The following RASEF variants were observed in gnomAD, a reference collection of about 807,000 sequenced individuals.
RASEF encodes the protein ras and EF-hand domain-containing protein.
Under a neutral mutation model 90.1 loss-of-function variants are expected in RASEF, and 68 were observed. That is an observed-to-expected ratio of 0.75 (90% CI 0.62 to 0.92). The LOEUF is 0.92. Ranked by LOEUF, RASEF falls within the 40% of genes least tolerant of loss-of-function variation. The pLI is 0.00. For synonymous variants in RASEF, 331 were observed against 345.2 expected, an observed-to-expected ratio of 0.96 and a Z score of 0.46; for missense variants, 949 against 937.2, an observed-to-expected ratio of 1.01 and a Z score of -0.16.
At chr9:83,056,573 T>A (rs532496287) in intron 1 of RASEF, among the ~76,000 whole-genome samples, 2 of 152,204 alleles carry the variant, frequency 1.3e-5, no homozygotes, top group African/African-American at 4.8e-5. Context: ...CTACTTTCAT[T>A]GTACAAATGA....
chr9:83,173,431 T>C, the RASEF span, among the ~76,000 whole-genome samples: 2 of 151,836 alleles, frequency 1.3e-5, no homozygotes, highest in African/African-American at 4.8e-5. Context: ...TTCTTTTTCA[T>C]TGTTTTTTCT....
At chr9:83,186,459 T>A in the RASEF span, among the ~76,000 whole-genome samples, 1 of 152,130 alleles carries the variant, frequency 6.6e-6, no homozygotes, top group Non-Finnish European at 1.5e-5. Context: ...AATCTGAGCT[T>A]CTTAGTATGA....
intron 1 of RASEF, among the ~76,000 whole-genome samples, chr9:83,027,341 G>C (rs749992633): frequency 5.3e-5 from 8 of 152,150 alleles, no homozygotes; most frequent in Non-Finnish European, 1.0e-4. Context: ...GGTCAGGGAT[G>C]GGGCTGAAAG....
chr9:83,212,249 T>A, the RASEF span, among the ~76,000 whole-genome samples: 1,348 of 152,302 alleles, frequency 8.9e-3, 13 homozygotes, highest in Middle Eastern at 0.024. Flanking sequence ...AAGCCAGAAT[T>A]TCAGCCCAAG....
chr9:83,018,800 T>C (rs1463332265), intron 3 of RASEF, among the ~76,000 whole-genome samples: 2 of 152,112 alleles, frequency 1.3e-5, no homozygotes, highest in African/African-American at 4.8e-5. Context: ...AATGTAATAT[T>C]GGCATAACAA....
chr9:83,145,049 T>A, the RASEF span, among the ~76,000 whole-genome samples: 2 of 152,120 alleles, frequency 1.3e-5, no homozygotes, highest in Non-Finnish European at 2.9e-5. Flanking sequence ...GTTTAAAAAG[T>A]TTTTTAATTA....
the RASEF span, among the ~76,000 whole-genome samples, chr9:83,209,397 G>A: frequency 2.6e-5 from 4 of 152,236 alleles, no homozygotes; most frequent in Non-Finnish European, 1.5e-5. Context: ...TGTATGGGAG[G>A]TAATGGATTC....
At position 83,062,176 on chromosome 9, in the gene RASEF, G is replaced by C. The variant is rs117038649; in HGVS notation, c.431+261C>G. Among the ~76,000 whole-genome samples the C allele has an allele frequency of 1.6e-4, 25 of 152,330 alleles. No individual in the cohort carries two copies. In the East Asian group the frequency reaches 3.3e-3, roughly 20 times the overall value. On this transcript the variant is annotated intron_variant, in intron 1 of 16. Coordinates refer to ENST00000376447, the MANE Select transcript of RASEF (RefSeq NM_152573.4). ...GCGCCAGCAGCTGCAGATTTCAGGA[G>C]AGCTCCTGTAATGAACACGCCGCCC...
the RASEF span, among the ~76,000 whole-genome samples, chr9:83,084,662 A>C: frequency 6.6e-6 from 1 of 151,844 alleles, no homozygotes; most frequent in South Asian, 2.1e-4. Flanking sequence ...CCTTTTTCCC[A>C]CCCGTCTGTA....
chr9:83,078,438 G>A, the RASEF span, among the ~76,000 whole-genome samples: 16 of 152,128 alleles, frequency 1.1e-4, no homozygotes, highest in African/African-American at 1.7e-4. Context: ...AGGCCGAGGC[G>A]GGTGGATCAC....
At chr9:83,158,561 T>C in the RASEF span, among the ~76,000 whole-genome samples, 1 of 148,264 alleles carries the variant, frequency 6.7e-6, no homozygotes, top group African/African-American at 2.5e-5. Context: ...CACACATATA[T>C]ACATATATGT....
intron 14 of RASEF, among the ~76,000 whole-genome samples, chr9:82,996,554 TGAGAA>T (rs1828922010): frequency 6.6e-6 from 1 of 152,140 alleles, no homozygotes; most frequent in Non-Finnish European, 1.5e-5. Context: ...AGAATAAGGT[TGAGAA>T]GAGAAGAGAG....
chr9:83,076,464 A>C, the RASEF span, among the ~76,000 whole-genome samples: 339 of 152,088 alleles, frequency 2.2e-3, 1 homozygote, highest in African/African-American at 8.0e-3. Context: ...CCACAAAATG[A>C]GGTAGAAGAC....
At chr9:83,075,218 T>G in the RASEF span, among the ~76,000 whole-genome samples, 1 of 152,210 alleles carries the variant, frequency 6.6e-6, no homozygotes, top group South Asian at 2.1e-4. Flanking sequence ...CAGTCTGAAT[T>G]GAGTCTGTAT....
At chr9:83,204,640 A>C in the RASEF span, among the ~76,000 whole-genome samples, 2 of 152,238 alleles carry the variant, frequency 1.3e-5, no homozygotes, top group Non-Finnish European at 2.9e-5. Context: ...ACACCACACA[A>C]ACATGTCATC....
rs375768951 is a variant in RASEF at position 83,015,759 on chromosome 9, T to C, written c.765+46A>G. 1.1e-4 allele frequency: 153 copies of C among 1,342,664 alleles called. 1 individual carries two copies. In the African/African-American group the frequency reaches 1.7e-3, roughly 15 times the overall value. The allele number at this position is 1,342,664 out of a possible 1,614,324, so 83.2% of individuals were successfully genotyped here. On this transcript the variant is annotated intron_variant, in intron 4 of 16. Transcript: ENST00000376447. ...TTGGTTGTTAATGGCTTAGATACCC[T>C]GAGATGCTGAGGCTGTTCCTACAAG...
intron 9 of RASEF, among the ~76,000 whole-genome samples, chr9:83,003,670 G>C (rs558575664): frequency 6.6e-6 from 1 of 152,038 alleles, no homozygotes; most frequent in Admixed American, 6.6e-5. Context: ...ATAAGCCTTC[G>C]TAACAGGTCT....
At chr9:83,082,003 G>A in the RASEF span, among the ~76,000 whole-genome samples, 1 of 152,138 alleles carries the variant, frequency 6.6e-6, no homozygotes, top group Non-Finnish European at 1.5e-5. Flanking sequence ...CAACAAAAAT[G>A]GGGATGTTGC....
chr9:83,094,851 G>A, the RASEF span, among the ~76,000 whole-genome samples: 1 of 152,130 alleles, frequency 6.6e-6, no homozygotes, highest in African/African-American at 2.4e-5. Context: ...TTACTTACAG[G>A]AATGACATAC....
Sources: gnomAD v4.1 joint callset for allele counts (sites outside exome capture counted in the v4.1 genomes callset) on GRCh38, gnomAD v4.1.1 for gene constraint, MANE v1.5 for transcripts, NCBI Gene and HGNC (gene_info 2026-07-23, HGNC 2026-07-21) for gene names.